Variants in SCARA5 observed in about 807,000 individuals in gnomAD.
SCARA5 encodes the protein scavenger receptor class A member 5.
In SCARA5, 45 loss-of-function variants were observed where a neutral mutation model predicts 46.3. That is an observed-to-expected ratio of 0.97 (90% CI 0.76 to 1.24). SCARA5 has a LOEUF of 1.24. SCARA5 is among the 50% of genes most tolerant of loss of function. The probability of loss-of-function intolerance (pLI) is 0.00; values close to 1 mark genes in which losing one functional copy is unlikely to be tolerated. For synonymous variants in SCARA5, 333 were observed against 306.5 expected (o/e 1.09, Z -0.90); for missense variants, 680 against 689.0 (o/e 0.99, Z 0.15).
At chr8:27,967,282 C>T (rs1450700821) in intron 2 of SCARA5, among the ~76,000 whole-genome samples, 3 of 152,204 alleles carry the variant, frequency 2.0e-5, no homozygotes, top group African/African-American at 7.2e-5. Context: ...GCCTTTTGGG[C>T]CATGTAATTC....
chr8:27,892,323 T>C (rs4545048), intron 7 of SCARA5, among the ~76,000 whole-genome samples: 8,781 of 152,288 alleles, frequency 0.058, 338 homozygotes, highest in Non-Finnish European at 0.086. Flanking sequence ...CAAATCTCCT[T>C]GCATATCCTC....
chr8:27,893,130 G>A (rs1008699152), intron 7 of SCARA5, among the ~76,000 whole-genome samples: 4 of 152,138 alleles, frequency 2.6e-5, no homozygotes, highest in Admixed American at 1.3e-4. Context: ...TTTTGCACTC[G>A]TAGGAAGCAG....
chr8:27,989,527 C>G (rs1808756143), intron 1 of SCARA5, among the ~76,000 whole-genome samples: 1 of 152,196 alleles, frequency 6.6e-6, no homozygotes, highest in Non-Finnish European at 1.5e-5. Flanking sequence ...ACATGTCCTT[C>G]TAATGACCCA....
chr8:27,987,101 C>A (rs1357500731), intron 2 of SCARA5, among the ~76,000 whole-genome samples: 1 of 152,238 alleles, frequency 6.6e-6, no homozygotes, highest in Admixed American at 6.5e-5. Context: ...CTCTTTGCCC[C>A]TCACGAGTGC....
rs140268715 is a variant in SCARA5, at chr8:27,959,962, G to A, written c.241+6452C>T. ...GGCTTACTGAGCCCTGCGCTGTCAC[G>A]GTACCTCAAGGACCTCTCCAACAAT... On this transcript the variant is annotated intron_variant, in intron 3 of 8. Transcript: ENST00000354914. Among the ~76,000 whole-genome samples the A allele has an allele frequency of 4.6e-5, 7 of 152,228 alleles. No homozygotes were observed. The East Asian group carries it at 7.7e-4, about 17-fold the overall frequency.
At chr8:27,922,876 T>C (rs1807621646) in intron 3 of SCARA5, among the ~76,000 whole-genome samples, 1 of 152,196 alleles carries the variant, frequency 6.6e-6, no homozygotes, top group African/African-American at 2.4e-5. Context: ...TTGAGGGAGC[T>C]GTTTGCCCTT....
chr8:27,891,877 C>T (rs2726960), intron 7 of SCARA5, among the ~76,000 whole-genome samples: 86,044 of 152,140 alleles, frequency 0.57, 26,517 homozygotes, highest in Non-Finnish European at 0.69. Flanking sequence ...CAATAGTTAT[C>T]GCTGATTACA....
At chr8:27,950,004 A>G (rs946755067) in intron 3 of SCARA5, among the ~76,000 whole-genome samples, 1 of 152,194 alleles carries the variant, frequency 6.6e-6, no homozygotes, top group African/African-American at 2.4e-5. Context: ...GCCTGAGCAG[A>G]GACCTAGGGA....
rs138456340 is a variant in SCARA5 at position 27,907,420 on chromosome 8, A to G, written c.998-174T>C. Among the ~76,000 whole-genome samples the G allele has an allele frequency of 5.1e-3, 778 of 152,160 alleles. 4 individuals carry two copies. The highest frequency in any genetic ancestry group is 0.014 in the Middle Eastern group (4 of 294). Reference sequence around the variant, plus strand: ...CCACAGCAGAGTCAAAGAGGTCCACATGGACCCTCCCATGCACACCTTGTA... The same window carrying G: ...CCACAGCAGAGTCAAAGAGGTCCACGTGGACCCTCCCATGCACACCTTGTA... On this transcript the variant is annotated intron_variant, in intron 5 of 8. Coordinates refer to ENST00000354914, the MANE Select transcript of SCARA5 (RefSeq NM_173833.6).
At chr8:27,975,664 T>C (rs1306175281) in intron 2 of SCARA5, among the ~76,000 whole-genome samples, 2 of 152,174 alleles carry the variant, frequency 1.3e-5, no homozygotes, top group East Asian at 1.9e-4. Context: ...AAGCATTCTG[T>C]GATGAGTGAG....
At chr8:27,951,678 A>T (rs910565615) in intron 3 of SCARA5, among the ~76,000 whole-genome samples, 1 of 152,194 alleles carries the variant, frequency 6.6e-6, no homozygotes, top group Non-Finnish European at 1.5e-5. Flanking sequence ...CACGCCAGGG[A>T]ATGTGCCTCC....
intron 3 of SCARA5, among the ~76,000 whole-genome samples, chr8:27,962,578 G>A (rs937811630): frequency 5.3e-5 from 8 of 151,460 alleles, no homozygotes; most frequent in Middle Eastern, 3.4e-3. Context: ...ATGGACATGG[G>A]CTCTGAGCAT....
At chr8:27,876,943 C>T (rs1447768475) in intron 8 of SCARA5, among the ~76,000 whole-genome samples, 1 of 152,100 alleles carries the variant, frequency 6.6e-6, no homozygotes, top group Non-Finnish European at 1.5e-5. Context: ...GTGGCTCTGC[C>T]TGCCGCCAGG....
At chr8:27,939,114 T>C (rs1807903300) in intron 3 of SCARA5, among the ~76,000 whole-genome samples, 1 of 152,186 alleles carries the variant, frequency 6.6e-6, no homozygotes, top group Non-Finnish European at 1.5e-5. Context: ...AGTTTTATAG[T>C]AGTCTTCAGA....
intron 3 of SCARA5, among the ~76,000 whole-genome samples, chr8:27,934,402 C>T (rs1807823830): frequency 6.6e-6 from 1 of 152,158 alleles, no homozygotes; most frequent in Admixed American, 6.5e-5. Flanking sequence ...GTTTGAAAAC[C>T]AGAACTTATA....
At chr8:27,921,439 G>T (rs914275048) in intron 4 of SCARA5, 132 bp downstream of exon 4, 10 of 715,784 alleles carry the variant, frequency 1.4e-5, no homozygotes, top group Middle Eastern at 3.9e-4. Context: ...AGAGAGTATG[G>T]GGCTGGGAAT....
chr8:27,919,251 G>GGAGGA (rs1175608196), intron 4 of SCARA5, among the ~76,000 whole-genome samples: 14 of 151,030 alleles, frequency 9.3e-5, no homozygotes, highest in Non-Finnish European at 2.1e-4. Flanking sequence ...GGAGGAGGAA[G>GGAGGA]AGAAAGAGGA....
In SCARA5 at chr8:27,871,951, T is replaced by C; in HGVS notation, c.1471A>G (p.Thr491Ala). ...NCGHAEDASV[T>A]CNRH ...GCCCACTTTCAGTGTCTGTTGCATG[T>C]CACGCTGGCATCTTCGGCATGTCCA... Residue 491 changes from threonine to alanine, a missense_variant, in exon 9 of 9, where the codon ACA (threonine) becomes GCA (alanine). Thr to Ala is a moderately conservative substitution (Grantham distance 58). Around this residue, in one of 3 missense-constraint regions of SCARA5, gnomAD observed 219 missense variants for 269.5 expected, o/e 0.81. Transcript: ENST00000354914. 1 of 1,614,230 alleles carries C rather than the reference T, an allele frequency of 6.2e-7. No individual in the cohort carries two copies. The highest frequency in any genetic ancestry group is 8.5e-7 in the Non-Finnish European group (1 of 1,180,046).
chr8:27,972,095 TGACCTGAGGTCAGGAGTTCAA>T (rs1808455088), intron 2 of SCARA5, among the ~76,000 whole-genome samples: 1 of 152,136 alleles, frequency 6.6e-6, no homozygotes, highest in African/African-American at 2.4e-5. Flanking sequence ...GGCAGATGGA[TGACCTGAGGTCAGGAGTTCAA>T]GACCAGCCTG....
Sources: gnomAD v4.1 joint callset for allele counts (sites outside exome capture counted in the v4.1 genomes callset) on GRCh38, gnomAD v4.1.1 for gene constraint, gnomAD v4.1.1 regional missense constraint, MANE v1.5 for transcripts, NCBI Gene and HGNC (gene_info 2026-07-23, HGNC 2026-07-21) for gene names.